The following MAPK10 variants were observed in gnomAD, a reference collection of about 807,000 sequenced individuals.
The protein encoded by MAPK10 is mitogen-activated protein kinase 10.
MAPK10 carries 25 observed loss-of-function variants against 59.3 expected under a neutral mutation model. The observed-to-expected ratio is 0.42, with a 90% CI of 0.31 to 0.59. The LOEUF (loss-of-function observed/expected upper bound fraction) is 0.59, where lower values mean the gene tolerates loss of function less well. Among genes scored for constraint, MAPK10 ranks in the 20% least tolerant of loss-of-function variants. MAPK10 has a pLI of 0.15. For missense variants in MAPK10, 351 were observed against 568.9 expected, an observed-to-expected ratio of 0.62 and a Z score of 3.90; for synonymous variants, 190 against 200.5, an observed-to-expected ratio of 0.95 and a Z score of 0.44.
intron 3 of MAPK10, among the ~76,000 whole-genome samples, chr4:86,167,139 C>A (rs2072035460): frequency 6.6e-6 from 1 of 152,132 alleles, no homozygotes; most frequent in South Asian, 2.1e-4. Context: ...TGGATAAATT[C>A]CTGGACACAT....
chr4:86,188,520 T>C (rs577040985), intron 3 of MAPK10, among the ~76,000 whole-genome samples: 62 of 152,360 alleles, frequency 4.1e-4, no homozygotes, highest in Middle Eastern at 3.4e-3. Context: ...TTTTTTCATA[T>C]GTTTGTTGTC....
chr4:86,165,599 G>C (rs6531899), intron 3 of MAPK10, among the ~76,000 whole-genome samples: 129,853 of 135,474 alleles, frequency 0.96, 62,239 homozygotes, highest in East Asian at 1. Context: ...TGAGGTCTCA[G>C]TATGTTGCCC....
chr4:86,057,613 T>C (rs2044858772), intron 11 of MAPK10, among the ~76,000 whole-genome samples: 1 of 150,050 alleles, frequency 6.7e-6, no homozygotes, highest in Admixed American at 6.6e-5. Context: ...TTTTCATTTT[T>C]TGTTTAAAAA....
At chr4:86,548,009 C>T (rs1251154651) in intron 1 of MAPK10, among the ~76,000 whole-genome samples, 1 of 152,194 alleles carries the variant, frequency 6.6e-6, no homozygotes, top group Non-Finnish European at 1.5e-5. Flanking sequence ...TAAAAGCAGG[C>T]TGCCTGATCC....
intron 1 of MAPK10, among the ~76,000 whole-genome samples, chr4:86,393,911 G>C (rs1316316047): frequency 1.3e-5 from 2 of 152,196 alleles, no homozygotes; most frequent in Non-Finnish European, 2.9e-5. Context: ...GACCTACTCT[G>C]TTATTGCAAC....
chr4:86,390,341 C>A (rs1250740071), intron 1 of MAPK10, among the ~76,000 whole-genome samples: 1 of 152,118 alleles, frequency 6.6e-6, no homozygotes, highest in African/African-American at 2.4e-5. Flanking sequence ...CTATGAGATG[C>A]CAAAATAAAA....
At chr4:86,479,874 C>G (rs942479096) in intron 1 of MAPK10, among the ~76,000 whole-genome samples, 3 of 152,100 alleles carry the variant, frequency 2.0e-5, no homozygotes, top group Non-Finnish European at 2.9e-5. Flanking sequence ...CAATATCCCC[C>G]CTTACCACAA....
chr4:86,556,872 G>GGAAC (rs1760310521), intron 1 of MAPK10, among the ~76,000 whole-genome samples: 1 of 152,026 alleles, frequency 6.6e-6, no homozygotes, highest in Non-Finnish European at 1.5e-5. Context: ...CAAGAAAACA[G>GGAAC]GTTCTAAGAT....
chr4:86,339,568 T>C (rs1242750645), intron 2 of MAPK10, among the ~76,000 whole-genome samples: 1 of 152,234 alleles, frequency 6.6e-6, no homozygotes, highest in African/African-American at 2.4e-5. Context: ...TATATTCAAC[T>C]ATTTCCTTTA....
At chr4:86,534,397 A>G (rs1758075293) in intron 1 of MAPK10, among the ~76,000 whole-genome samples, 1 of 152,096 alleles carries the variant, frequency 6.6e-6, no homozygotes, top group Non-Finnish European at 1.5e-5. Flanking sequence ...ATGTGTTATC[A>G]CAGGTTGGAT....
chr4:86,523,190 T>C (rs1204180501), intron 1 of MAPK10, among the ~76,000 whole-genome samples: 2 of 152,232 alleles, frequency 1.3e-5, no homozygotes, highest in Non-Finnish European at 2.9e-5. Flanking sequence ...TTATTCAATA[T>C]TCACTCTTTC....
chr4:86,475,595 C>T (rs978128233), intron 1 of MAPK10, among the ~76,000 whole-genome samples: 5 of 152,128 alleles, frequency 3.3e-5, no homozygotes, highest in East Asian at 1.9e-4. Context: ...TTTAATCATG[C>T]GGGGATGCCT....
rs181437794 is a variant in MAPK10, at chr4:86,231,695, C to T, written c.-6-37288G>A. Reference sequence around the variant, plus strand: ...AAAAAAGAAAAAAGAAAAAAAAGTACAGTTATAGGGATAGTAATTCATTTT... The same window carrying T: ...AAAAAAGAAAAAAGAAAAAAAAGTATAGTTATAGGGATAGTAATTCATTTT... On this transcript the variant is annotated intron_variant, in intron 2 of 13. Coordinates refer to ENST00000641462, the MANE Select transcript of MAPK10 (RefSeq NM_138982.4). Among the ~76,000 whole-genome samples, 410 of 152,026 alleles carry T rather than the reference C, an allele frequency of 2.7e-3. 1 individual carries two copies. Among genetic ancestry groups the T allele is most frequent in the Non-Finnish European group, 4.5e-3 (305 of 67,926 alleles).
chr4:86,196,172 T>A (rs2081268757), intron 2 of MAPK10, among the ~76,000 whole-genome samples: 1 of 152,238 alleles, frequency 6.6e-6, no homozygotes, highest in Non-Finnish European at 1.5e-5. Context: ...TGCACTAATT[T>A]ACACTCCCAC....
At chr4:86,101,255 A>G (rs2055315344) in intron 7 of MAPK10, 38 bp from the exon 8 acceptor site, 2 of 1,521,898 alleles carry the variant, frequency 1.3e-6, no homozygotes, top group Admixed American at 3.4e-5. Context: ...AAAAGCCAGT[A>G]TCAAGTGAAA....
At chr4:86,110,239 A>G (rs1299234648) in intron 4 of MAPK10, among the ~76,000 whole-genome samples, 1 of 152,024 alleles carries the variant, frequency 6.6e-6, no homozygotes, top group African/African-American at 2.4e-5. Flanking sequence ...ATTAGATCCC[A>G]TTTGTCCTTT....
chr4:86,203,622 G>A (rs1464448925), intron 2 of MAPK10, among the ~76,000 whole-genome samples: 2 of 150,638 alleles, frequency 1.3e-5, no homozygotes, highest in Non-Finnish European at 3.0e-5. Context: ...TTACATAGCA[G>A]ATTTACTATG....
At chr4:86,417,203 T>A (rs975989190) in intron 1 of MAPK10, among the ~76,000 whole-genome samples, 4 of 152,340 alleles carry the variant, frequency 2.6e-5, no homozygotes, top group South Asian at 4.1e-4. Context: ...CATAATTTTT[T>A]AAGTTATTTT....
At chr4:86,555,266 T>C (rs916365332) in intron 1 of MAPK10, among the ~76,000 whole-genome samples, 1 of 152,116 alleles carries the variant, frequency 6.6e-6, no homozygotes, top group African/African-American at 2.4e-5. Flanking sequence ...ACCAATATGG[T>C]GAAACCCTGT....
Sources: allele counts gnomAD v4.1 joint callset (sites outside exome capture counted in the v4.1 genomes callset), GRCh38; gene constraint gnomAD v4.1.1; transcripts MANE v1.5; gene names NCBI Gene and HGNC (gene_info 2026-07-23, HGNC 2026-07-21).